The following CLTB variants were observed in gnomAD, a reference collection of about 807,000 sequenced individuals.
The protein encoded by CLTB is clathrin light chain B.
In CLTB, 10 loss-of-function variants were observed where a neutral mutation model predicts 30.5. The ratio of observed to expected loss-of-function variants is 0.33; its 90% CI spans 0.20 to 0.56. The LOEUF is 0.56. CLTB is among the 20% of genes least tolerant of loss of function. CLTB has a pLI of 0.91. For synonymous variants in CLTB, 102 were observed against 120.3 expected (o/e 0.85, Z 1.00); for missense variants, 261 against 308.3 (o/e 0.85, Z 1.15).
intron 2 of CLTB, among the ~76,000 whole-genome samples, chr5:176,408,901 C>T (rs907270139): frequency 4.6e-5 from 7 of 152,222 alleles, no homozygotes; most frequent in African/African-American, 1.4e-4. Flanking sequence ...CCTTTCTTAT[C>T]CCCATCCCAC....
At chr5:176,397,779 G>T in intron 3 of CLTB, 61 bp from the exon 4 acceptor site, 1 of 1,547,024 alleles carries the variant, frequency 6.5e-7, no homozygotes. Flanking sequence ...GCCCGGCCGC[G>T]CTCCTCCCCT....
chr5:176,400,425 G>A (rs1308069659), intron 2 of CLTB, among the ~76,000 whole-genome samples: 1 of 152,136 alleles, frequency 6.6e-6, no homozygotes, highest in Non-Finnish European at 1.5e-5. Flanking sequence ...TAGTGGCAGA[G>A]CCAGGACTAG....
intron 2 of CLTB, chr5:176,405,642 T>C (rs1324404440): frequency 6.6e-6 from 1 of 151,956 alleles, no homozygotes; most frequent in Non-Finnish European, 1.5e-5. Context: ...ACCAAATGAA[T>C]GAACGACCAA....
In CLTB at chr5:176,392,770, G is replaced by T; in HGVS notation, c.*4C>A. On this transcript the variant is annotated 3_prime_UTR_variant, in exon 6 of 6. Transcript: ENST00000310418. The surrounding 1 kb of genome is among the most constrained non-coding windows in gnomAD (Gnocchi z 5.2). The stretch of plus-strand genomic sequence containing the variant: ...TGCTCTGTGGCCATGCACCTAGCAG[G>T]CACCTAGCGGGACAGTGGCGTCTGC... 1 of 1,613,756 alleles carries T rather than the reference G, an allele frequency of 6.2e-7. No individual in the cohort carries two copies. Among genetic ancestry groups the T allele is most frequent in the African/African-American group, 1.3e-5 (1 of 75,054 alleles).
intron 2 of CLTB, among the ~76,000 whole-genome samples, chr5:176,400,954 G>T (rs1756788214): frequency 6.6e-6 from 1 of 152,204 alleles, no homozygotes; most frequent in Non-Finnish European, 1.5e-5. Flanking sequence ...AGCTGCCTGG[G>T]GAGTGAGGGA....
rs1210041002 is a variant in CLTB at position 176,397,826 on chromosome 5, A to C, written c.352+104T>G. On this transcript the variant is annotated intron_variant, in intron 3 of 5. Coordinates refer to ENST00000310418, the MANE Select transcript of CLTB (RefSeq NM_007097.5). ...GGCAGCCACAGGGCCGCACCGGCCC[A>C]GTCCCACATTAAGGCATGCAGCATC... The C allele has an allele frequency of 2.7e-6, 4 of 1,465,574 alleles. No individual in the cohort carries two copies. In the African/African-American group the frequency reaches 5.6e-5, roughly 20 times the overall value. 90.8% of individuals were successfully genotyped at this position (1,465,574 alleles called of 1,614,324 possible).
chr5:176,415,098 T>C (rs1383808936), intron 1 of CLTB, among the ~76,000 whole-genome samples: 6 of 152,220 alleles, frequency 3.9e-5, no homozygotes, highest in Admixed American at 3.9e-4. Flanking sequence ...TTACTAAATA[T>C]TTTACAAAAT....
intron 4 of CLTB, among the ~76,000 whole-genome samples, chr5:176,397,200 G>T (rs1229292578): frequency 1.3e-5 from 2 of 152,142 alleles, no homozygotes; most frequent in Admixed American, 6.5e-5. Flanking sequence ...AGACAGAAGG[G>T]TAGCTTCCCA....
intron 2 of CLTB, among the ~76,000 whole-genome samples, chr5:176,405,044 G>A (rs552025118): frequency 1.3e-5 from 2 of 152,312 alleles, no homozygotes; most frequent in East Asian, 1.9e-4. Flanking sequence ...GGAGTTGGGA[G>A]GACTCAGGGA....
At chr5:176,410,186 A>G in intron 2 of CLTB, 71 bp downstream of exon 2, 1 of 1,317,408 alleles carries the variant, frequency 7.6e-7, no homozygotes, top group Non-Finnish European at 1.1e-6. Context: ...TAAGCCTACA[A>G]CAATGAGGCT....
chr5:176,395,356 C>T (rs1370841534), intron 5 of CLTB, among the ~76,000 whole-genome samples: 2 of 152,342 alleles, frequency 1.3e-5, no homozygotes, highest in South Asian at 2.1e-4. Context: ...ACACTCCAGA[C>T]CATGAGCACG....
intron 2 of CLTB, among the ~76,000 whole-genome samples, chr5:176,409,405 C>A (rs981994127): frequency 6.4e-5 from 9 of 141,044 alleles, no homozygotes; most frequent in Non-Finnish European, 6.1e-5. Flanking sequence ...ATCTGATTGC[C>A]CTTTTTTTTT....
chr5:176,416,367 C>CCCCGCGCCTCCG lies in CLTB; in HGVS notation c.-16_-5dup. The CCCCGCGCCTCCG allele has an allele frequency of 6.3e-7, 1 of 1,585,652 alleles. No individual in the cohort carries two copies. The highest frequency in any genetic ancestry group is 8.5e-7 in the Non-Finnish European group (1 of 1,169,848). On this transcript the variant is annotated 5_prime_UTR_variant, in exon 1 of 6. Transcript: ENST00000310418. ...AGAAGCCAAAGTCATCAGCCATTTT[C>CCCCGCGCCTCCG]CCCGCGCCTCCGCCGGAGCCTCCGC...
chr5:176,392,706 A>G lies in CLTB; in HGVS notation c.*68T>C. The G allele has an allele frequency of 6.4e-7, 1 of 1,571,014 alleles. No individual in the cohort carries two copies. Among genetic ancestry groups the G allele is most frequent in the South Asian group, 1.1e-5 (1 of 88,916 alleles). ...GCAGCTGCTGCGAGTCTCCACCCCG[A>G]CCAAAGCAGCTGCTCCTCCTGTGCC... is the stretch of plus-strand genomic sequence containing the variant. On this transcript the variant is annotated 3_prime_UTR_variant, in exon 6 of 6. Coordinates refer to ENST00000310418, the MANE Select transcript of CLTB (RefSeq NM_007097.5). This position sits in a 1 kb window ranked among gnomAD's most constrained non-coding sequence, Gnocchi z 5.2.
chr5:176,407,946 A>G (rs1246586256), intron 2 of CLTB, among the ~76,000 whole-genome samples: 1 of 152,206 alleles, frequency 6.6e-6, no homozygotes. Flanking sequence ...AGAGGATTCA[A>G]GAAGCCAGCT....
At chr5:176,407,264 T>C (rs1225183404) in intron 2 of CLTB, among the ~76,000 whole-genome samples, 1 of 152,170 alleles carries the variant, frequency 6.6e-6, no homozygotes, top group Non-Finnish European at 1.5e-5. Context: ...AGCTTCGTGA[T>C]GCTAATCTTT....
chr5:176,411,927 A>G (rs1432532756), intron 1 of CLTB, among the ~76,000 whole-genome samples: 1 of 152,148 alleles, frequency 6.6e-6, no homozygotes, highest in East Asian at 1.9e-4. Flanking sequence ...CTGTAATCCC[A>G]GCACTTTGGG....
At position 176,410,896 on chromosome 5, in the gene CLTB, TG is replaced by T. The variant is rs540163866; in HGVS notation, c.188-594del. Among the ~76,000 whole-genome samples the T allele has an allele frequency of 1.3e-3, 201 of 152,350 alleles. 1 individual carries two copies. The highest frequency in any genetic ancestry group is 2.2e-3 in the Non-Finnish European group (153 of 68,032). Reference sequence around the variant, plus strand: ...AAGGAATTAAGTTTGCCCTCAGCAGTGACTCCTCCCTGTCCCTTTCCTTGAC... The same window carrying T: ...AAGGAATTAAGTTTGCCCTCAGCAGTACTCCTCCCTGTCCCTTTCCTTGAC... On this transcript the variant is annotated intron_variant, in intron 1 of 5. Transcript: ENST00000310418.
In CLTB at chr5:176,416,208, C is replaced by T. The variant is rs1384638901; in HGVS notation, c.156G>A (p.Ala52=). ...EGFGAPAGSH[A]APAQPGPTSG... is the part of the protein sequence containing the mutation. ...TCGTGGGGCCCGGCTGCGCGGGGGC[C>T]GCATGGCTGCCGGCAGGTGCCCCGA... is the stretch of plus-strand genomic sequence containing the variant. Residue 52 remains alanine (A), a synonymous_variant, in exon 1 of 6, where the codon GCG becomes GCA. Coordinates refer to ENST00000310418, the MANE Select transcript of CLTB (RefSeq NM_007097.5). The T allele has an allele frequency of 2.6e-5, 41 of 1,593,626 alleles. No individual in the cohort carries two copies. The highest frequency in any genetic ancestry group is 3.3e-5 in the Non-Finnish European group (39 of 1,172,992).
Sources: gnomAD v4.1 joint callset for allele counts (sites outside exome capture counted in the v4.1 genomes callset) on GRCh38, gnomAD v4.1.1 for gene constraint, Gnocchi (gnomAD v3.1) non-coding constraint, MANE v1.5 for transcripts, NCBI Gene and HGNC (gene_info 2026-07-23, HGNC 2026-07-21) for gene names.